Variants in CSMD1 observed in about 807,000 individuals in gnomAD.
The protein encoded by CSMD1 is CUB and sushi domain-containing protein 1.
CSMD1 carries 213 observed loss-of-function variants against 417.5 expected under a neutral mutation model. The observed-to-expected ratio is 0.51, with a 90% CI of 0.46 to 0.57. The LOEUF is 0.57. CSMD1 is among the 20% of genes least tolerant of loss of function. The probability of loss-of-function intolerance (pLI) is 0.00; values close to 1 mark genes in which losing one functional copy is unlikely to be tolerated. For synonymous variants in CSMD1, 2,862 were observed against 1,736.8 expected (o/e 1.65, Z -16.11); for missense variants, 6,923 against 4,529.7 (o/e 1.53, Z -15.17).
chr8:4,492,746 C>T (rs555956722), intron 2 of CSMD1, among the ~76,000 whole-genome samples: 2 of 152,306 alleles, frequency 1.3e-5, no homozygotes, highest in South Asian at 4.1e-4. Flanking sequence ...ACAGGTAACA[C>T]CCAAGCAACT....
Position 4,816,503 on chromosome 8 carries a change from C to T in CSMD1, c.85+177829G>A, listed in dbSNP as rs79318580. 5.3e-5 allele frequency among the ~76,000 whole-genome samples: 8 copies of T among 152,266 alleles called. No individual in the cohort carries two copies. In the East Asian group the frequency reaches 1.5e-3, roughly 29 times the overall value. On this transcript the variant is annotated intron_variant, in intron 1 of 69. Transcript: ENST00000635120. ...TCAGGCTCCCAAAATGTTGGGATTA[C>T]AGGTGTGAGCCACCATGCGCAGCCA... is the stretch of plus-strand genomic sequence containing the variant.
intron 5 of CSMD1, among the ~76,000 whole-genome samples, chr8:3,807,489 A>C (rs1234903588): frequency 6.6e-6 from 1 of 152,184 alleles, no homozygotes; most frequent in African/African-American, 2.4e-5. Flanking sequence ...GTTATCTTTG[A>C]AACATGAATG....
rs1797443947 is a variant in CSMD1, at chr8:3,520,057, A to G, written c.1345-26331T>C. Among the ~76,000 whole-genome samples, 3 of 127,950 alleles carry G rather than the reference A, an allele frequency of 2.3e-5. No homozygotes were observed. In the South Asian group the frequency reaches 7.5e-4, roughly 32 times the overall value. 83.9% of individuals were successfully genotyped at this position (127,950 alleles called of 152,430 possible). A position where few individuals can be genotyped will look rare whatever the true frequency, so the allele number is the denominator to read the frequency against. ...ATATATATACACGTATAGTTGTGAAACTTGCTCCACAGTAATAATAGTAAA... is the reference window on the plus strand; with the variant it reads ...ATATATATACACGTATAGTTGTGAAGCTTGCTCCACAGTAATAATAGTAAA... On this transcript the variant is annotated intron_variant, in intron 10 of 69. Coordinates refer to ENST00000635120, the MANE Select transcript of CSMD1 (RefSeq NM_033225.6).
intron 3 of CSMD1, among the ~76,000 whole-genome samples, chr8:4,393,188 A>T (rs1231613858): frequency 2.0e-5 from 3 of 151,834 alleles, no homozygotes; most frequent in Non-Finnish European, 2.9e-5. Context: ...GTTGCCCAGG[A>T]TGGTCTCAAA....
intron 7 of CSMD1, among the ~76,000 whole-genome samples, chr8:3,683,671 G>C (rs111243346): frequency 1.3e-5 from 2 of 152,052 alleles, no homozygotes; most frequent in Non-Finnish European, 2.9e-5. Context: ...ATCCTGTGAG[G>C]TTGTCATCTC....
chr8:3,743,388 T>A (rs1796911913), intron 6 of CSMD1, among the ~76,000 whole-genome samples: 1 of 152,220 alleles, frequency 6.6e-6, no homozygotes, highest in African/African-American at 2.4e-5. Context: ...CACATAAAAC[T>A]GCATTGCGTG....
intron 5 of CSMD1, among the ~76,000 whole-genome samples, chr8:3,805,020 T>G (rs989789679): frequency 6.6e-6 from 1 of 152,176 alleles, no homozygotes; most frequent in African/African-American, 2.4e-5. Context: ...TGAAGAGGCC[T>G]GGTTGGTCAT....
rs1368818818 is a variant in CSMD1, at chr8:3,879,314, C to G, written c.818+118589G>C. On this transcript the variant is annotated intron_variant, in intron 5 of 69. Transcript: ENST00000635120. Reference sequence around the variant, plus strand: ...AATGTATGTCAAAAATGTCCTGCAGCCAAATCTAAATCATTACAAGATTAT... The same window carrying G: ...AATGTATGTCAAAAATGTCCTGCAGGCAAATCTAAATCATTACAAGATTAT... 1.7e-4 allele frequency among the ~76,000 whole-genome samples: 26 copies of G among 149,050 alleles called. 1 individual carries two copies. Among genetic ancestry groups the G allele is most frequent in the Non-Finnish European group, 3.0e-5 (2 of 67,712 alleles).
chr8:3,698,145 A>G (rs575385610), intron 7 of CSMD1, among the ~76,000 whole-genome samples: 5 of 152,316 alleles, frequency 3.3e-5, no homozygotes, highest in African/African-American at 7.2e-5. Context: ...GCTGTTCTCA[A>G]ATCTATCTAG....
intron 68 of CSMD1, among the ~76,000 whole-genome samples, chr8:2,948,211 T>G (rs1045347784): frequency 2.6e-5 from 4 of 152,112 alleles, no homozygotes; most frequent in Non-Finnish European, 5.9e-5. Flanking sequence ...ACGACTTTTG[T>G]GCAAAAAGAG....
intron 61 of CSMD1, 120 bp downstream of exon 61, chr8:2,962,346 G>C: frequency 1.2e-6 from 1 of 859,590 alleles, no homozygotes. Context: ...TTATTACCTT[G>C]TACAGAAAAC....
chr8:3,094,522 G>T (rs1004086483), intron 47 of CSMD1, among the ~76,000 whole-genome samples: 6 of 152,046 alleles, frequency 3.9e-5, no homozygotes, highest in East Asian at 3.9e-4. Flanking sequence ...TATTCAAACT[G>T]GCATGTGCAG....
intron 2 of CSMD1, among the ~76,000 whole-genome samples, chr8:4,473,661 G>C (rs1262115531): frequency 6.6e-6 from 1 of 152,158 alleles, no homozygotes; most frequent in African/African-American, 2.4e-5. Context: ...TGAAAACAAA[G>C]AGCATATGAC....
intron 23 of CSMD1, among the ~76,000 whole-genome samples, chr8:3,340,031 A>C (rs1351526642): frequency 6.6e-6 from 1 of 152,198 alleles, no homozygotes; most frequent in African/African-American, 2.4e-5. Flanking sequence ...ATTTGGCCCA[A>C]AGATACTCTG....
At chr8:3,991,130 G>A (rs569117304) in intron 5 of CSMD1, among the ~76,000 whole-genome samples, 10 of 152,304 alleles carry the variant, frequency 6.6e-5, no homozygotes, top group South Asian at 6.2e-4. Context: ...GGTAGAGACT[G>A]GAAATTGGCC....
intron 10 of CSMD1, among the ~76,000 whole-genome samples, chr8:3,557,390 G>T (rs920691043): frequency 1.3e-5 from 2 of 152,084 alleles, no homozygotes; most frequent in African/African-American, 2.4e-5. Flanking sequence ...ATTTATTCGT[G>T]ACCATTTATG....
At chr8:3,808,106 C>T (rs1800851253) in intron 5 of CSMD1, among the ~76,000 whole-genome samples, 1 of 152,180 alleles carries the variant, frequency 6.6e-6, no homozygotes, top group African/African-American at 2.4e-5. Context: ...TGTTCACCCT[C>T]AGCCACGTCA....
chr8:3,937,665 T>C (rs1278979976), intron 5 of CSMD1, among the ~76,000 whole-genome samples: 1 of 152,184 alleles, frequency 6.6e-6, no homozygotes, highest in African/African-American at 2.4e-5. Flanking sequence ...GCAATATCTC[T>C]GAAGTACGGC....
intron 2 of CSMD1, among the ~76,000 whole-genome samples, chr8:4,614,083 A>C (rs950275657): frequency 6.6e-6 from 1 of 152,194 alleles, no homozygotes; most frequent in East Asian, 1.9e-4. Context: ...TTGACAGTTT[A>C]CTGGCAAGCC....
Sources: allele counts gnomAD v4.1 joint callset (sites outside exome capture counted in the v4.1 genomes callset), GRCh38; gene constraint gnomAD v4.1.1; transcripts MANE v1.5; gene names NCBI Gene and HGNC (gene_info 2026-07-23, HGNC 2026-07-21).